The following PTPRD variants were observed in gnomAD, a reference collection of about 807,000 sequenced individuals.
The protein encoded by PTPRD is protein tyrosine phosphatase receptor type D, also known as receptor-type tyrosine-protein phosphatase delta.
A neutral mutation model predicts 214.5 loss-of-function variants in PTPRD; 34 were observed. The observed-to-expected ratio is 0.16, with a 90% confidence interval of 0.12 to 0.21. The LOEUF is 0.21. PTPRD is among the 10% of genes least tolerant of loss of function. PTPRD has a pLI of 1.00. For missense variants in PTPRD, 2,545 were observed against 2,398.7 expected, an observed-to-expected ratio of 1.06 and a Z score of -1.27; for synonymous variants, 1,128 against 845.7, an observed-to-expected ratio of 1.33 and a Z score of -5.79.
intron 4 of PTPRD, among the ~76,000 whole-genome samples, chr9:9,983,178 G>T (rs1053688461): frequency 2.0e-5 from 3 of 152,140 alleles, no homozygotes; most frequent in African/African-American, 7.2e-5. Context: ...ATTACACTGG[G>T]AAAGAGGACC....
chr9:9,823,090 G>A (rs538068337), intron 5 of PTPRD, among the ~76,000 whole-genome samples: 37 of 152,202 alleles, frequency 2.4e-4, no homozygotes, highest in Non-Finnish European at 1.0e-4. Context: ...TGGATGGACA[G>A]ATAAAGAAAA....
intron 8 of PTPRD, among the ~76,000 whole-genome samples, chr9:9,479,832 T>C (rs1033694224): frequency 1.3e-5 from 2 of 152,094 alleles, no homozygotes; most frequent in African/African-American, 4.8e-5. Context: ...GTTTTAAACA[T>C]CAAGTAAGTA....
chr9:8,770,153 C>T (rs1219547360), intron 11 of PTPRD, among the ~76,000 whole-genome samples: 4 of 151,902 alleles, frequency 2.6e-5, no homozygotes, highest in Non-Finnish European at 4.4e-5. Context: ...TGGTGGTGCA[C>T]GCCTGTAATC....
intron 9 of PTPRD, among the ~76,000 whole-genome samples, chr9:9,293,010 C>T (rs920219871): frequency 1.2e-4 from 18 of 151,502 alleles, no homozygotes; most frequent in African/African-American, 4.4e-4. Flanking sequence ...GCTTTCTCTA[C>T]CAAAAAATAT....
intron 12 of PTPRD, among the ~76,000 whole-genome samples, chr9:8,652,068 A>G (rs1312340517): frequency 6.6e-6 from 1 of 152,186 alleles, no homozygotes; most frequent in Non-Finnish European, 1.5e-5. Flanking sequence ...GACAGTAAGG[A>G]CCTTTATTTG....
At chr9:10,464,149 G>A (rs1277398448) in intron 2 of PTPRD, among the ~76,000 whole-genome samples, 2 of 152,088 alleles carry the variant, frequency 1.3e-5, no homozygotes, top group Non-Finnish European at 2.9e-5. Flanking sequence ...TGTAATCCCA[G>A]CACTCTTGGA....
At chr9:8,432,174 A>G (rs2095101448) in intron 35 of PTPRD, among the ~76,000 whole-genome samples, 1 of 152,242 alleles carries the variant, frequency 6.6e-6, no homozygotes, top group Admixed American at 6.5e-5. Context: ...TAACAGCCAT[A>G]CCAACTTTAA....
chr9:10,534,175 C>G (rs2057179033), intron 2 of PTPRD, among the ~76,000 whole-genome samples: 2 of 151,812 alleles, frequency 1.3e-5, no homozygotes, highest in South Asian at 4.2e-4. Flanking sequence ...TAATGTGATT[C>G]AAAGATGGCA....
At chr9:8,541,987 T>C (rs371422714) in intron 14 of PTPRD, among the ~76,000 whole-genome samples, 15 of 152,038 alleles carry the variant, frequency 9.9e-5, no homozygotes, top group African/African-American at 3.6e-4. Context: ...AAAAGTTACA[T>C]GAATGAAATC....
intron 9 of PTPRD, among the ~76,000 whole-genome samples, chr9:9,190,174 T>C (rs2099934227): frequency 6.6e-6 from 1 of 152,054 alleles, no homozygotes; most frequent in Non-Finnish European, 1.5e-5. Flanking sequence ...TCTGTTCTCA[T>C]TGGTAGATTA....
At chr9:8,448,239 G>A (rs1168673149) in intron 34 of PTPRD, among the ~76,000 whole-genome samples, 1 of 152,202 alleles carries the variant, frequency 6.6e-6, no homozygotes, top group Non-Finnish European at 1.5e-5. Flanking sequence ...GAGGTAGGGG[G>A]ATCACCTGAT....
At chr9:9,980,635 CAAAA>C (rs1172955634) in intron 4 of PTPRD, among the ~76,000 whole-genome samples, 2 of 34,004 alleles carry the variant, frequency 5.9e-5, no homozygotes, top group East Asian at 5.1e-4. Context: ...AAAAAAAAAA[CAAAA>C]AAAAAAACCC....
chr9:8,440,123 T>C (rs1404266766), intron 34 of PTPRD, among the ~76,000 whole-genome samples: 2 of 151,750 alleles, frequency 1.3e-5, no homozygotes, highest in Admixed American at 6.6e-5. Context: ...TTAGAAATCA[T>C]ATCAGGATTT....
intron 2 of PTPRD, among the ~76,000 whole-genome samples, chr9:10,606,419 G>C (rs2079376162): frequency 6.6e-6 from 1 of 151,790 alleles, no homozygotes; most frequent in Non-Finnish European, 1.5e-5. Context: ...AAATCCCAAG[G>C]ATGCTAGCTT....
chr9:10,096,576 T>G (rs1412267890), intron 3 of PTPRD, among the ~76,000 whole-genome samples: 3 of 152,014 alleles, frequency 2.0e-5, no homozygotes, highest in Non-Finnish European at 4.4e-5. Context: ...GCCCACTTTT[T>G]GATGGGGTTT....
chr9:9,085,222 A>G (rs1295496218), intron 10 of PTPRD, among the ~76,000 whole-genome samples: 1 of 152,202 alleles, frequency 6.6e-6, no homozygotes, highest in Non-Finnish European at 1.5e-5. Context: ...CTGAAAAGAA[A>G]GATAGACACA....
At chr9:9,397,211 T>A (rs894678786) in intron 9 of PTPRD, among the ~76,000 whole-genome samples, 1 of 151,964 alleles carries the variant, frequency 6.6e-6, no homozygotes, top group Admixed American at 6.6e-5. Flanking sequence ...TTGTTAAAGT[T>A]TGAGTAAGTG....
chr9:9,355,797 G>C (rs1457952380), intron 9 of PTPRD, among the ~76,000 whole-genome samples: 1 of 151,362 alleles, frequency 6.6e-6, no homozygotes, highest in African/African-American at 2.4e-5. Context: ...CTGAAACCTG[G>C]AGCATTTCAA....
At chr9:9,375,204 C>T (rs2060469734) in intron 9 of PTPRD, among the ~76,000 whole-genome samples, 1 of 152,178 alleles carries the variant, frequency 6.6e-6, no homozygotes, top group African/African-American at 2.4e-5. Context: ...CCAATGTTCA[C>T]AGCAGCATTA....
Sources: allele counts gnomAD v4.1 joint callset (sites outside exome capture counted in the v4.1 genomes callset), GRCh38; gene constraint gnomAD v4.1.1; transcripts MANE v1.5; gene names NCBI Gene and HGNC (gene_info 2026-07-23, HGNC 2026-07-21).